Variants in DLG2 observed in about 807,000 individuals in gnomAD.
DLG2 encodes disks large homolog 2.
A neutral mutation model predicts 132.5 loss-of-function variants in DLG2; 45 were observed. The observed-to-expected ratio is 0.34, with a 90% confidence interval of 0.27 to 0.44. DLG2 has a LOEUF of 0.44. DLG2 is among the 20% of genes least tolerant of loss of function. The pLI, the probability that DLG2 is intolerant of heterozygous loss-of-function variation, is 1.00. For missense variants in DLG2, 1,045 were observed against 1,196.9 expected, an observed-to-expected ratio of 0.87 and a Z score of 1.87; for synonymous variants, 424 against 419.6, an observed-to-expected ratio of 1.01 and a Z score of -0.13.
intron 17 of DLG2, among the ~76,000 whole-genome samples, chr11:83,794,351 T>C (rs552130891): frequency 2.0e-5 from 3 of 151,852 alleles, no homozygotes; most frequent in South Asian, 4.2e-4. Context: ...CTTGAACAAA[T>C]AACATTTTCA....
At chr11:84,783,650 G>A (rs901902584) in intron 6 of DLG2, among the ~76,000 whole-genome samples, 2 of 151,998 alleles carry the variant, frequency 1.3e-5, no homozygotes, top group Non-Finnish European at 2.9e-5. Flanking sequence ...TATTTCACTG[G>A]AGCCTCTCAA....
At chr11:84,166,411 G>T (rs551145139) in intron 8 of DLG2, among the ~76,000 whole-genome samples, 2 of 150,336 alleles carry the variant, frequency 1.3e-5, no homozygotes, top group Admixed American at 1.3e-4. Flanking sequence ...CTGAGGCAGG[G>T]GAATGGCCTG....
intron 17 of DLG2, among the ~76,000 whole-genome samples, chr11:83,816,341 A>G (rs897987567): frequency 1.3e-5 from 2 of 152,178 alleles, no homozygotes; most frequent in African/African-American, 2.4e-5. Flanking sequence ...TGGTACAATT[A>G]ATTTTGGAAC....
intron 6 of DLG2, among the ~76,000 whole-genome samples, chr11:84,769,083 C>T (rs1166806942): frequency 1.3e-5 from 2 of 152,084 alleles, no homozygotes; most frequent in African/African-American, 4.8e-5. Flanking sequence ...TATGAAAAAT[C>T]TGAATGTAGT....
intron 3 of DLG2, among the ~76,000 whole-genome samples, chr11:85,325,677 C>A (rs1463128875): frequency 1.4e-5 from 1 of 71,492 alleles, no homozygotes; most frequent in South Asian, 5.3e-4. Context: ...GGGGAAAAAA[C>A]AGAACAGAAA....
chr11:84,811,002 A>C (rs913470092), intron 6 of DLG2, among the ~76,000 whole-genome samples: 2 of 152,182 alleles, frequency 1.3e-5, no homozygotes, highest in African/African-American at 4.8e-5. Context: ...AGTTATCTTC[A>C]TCTTGACTGT....
At chr11:83,595,920 T>C (rs1440944095) in intron 19 of DLG2, among the ~76,000 whole-genome samples, 1 of 152,134 alleles carries the variant, frequency 6.6e-6, no homozygotes, top group East Asian at 1.9e-4. Context: ...AGACAATATA[T>C]CAAAATGTTA....
intron 11 of DLG2, among the ~76,000 whole-genome samples, chr11:84,053,181 G>A (rs959877757): frequency 6.6e-6 from 1 of 152,120 alleles, no homozygotes; most frequent in East Asian, 1.9e-4. Context: ...GCCAGATACA[G>A]CATGTTCTCA....
chr11:85,397,044 C>T (rs890702933), intron 3 of DLG2, among the ~76,000 whole-genome samples: 1 of 152,132 alleles, frequency 6.6e-6, no homozygotes, highest in Non-Finnish European at 1.5e-5. Flanking sequence ...TTGGGTTACC[C>T]ACAAAGGGAA....
chr11:84,453,553 A>G (rs1468234271), intron 7 of DLG2, among the ~76,000 whole-genome samples: 1 of 151,648 alleles, frequency 6.6e-6, no homozygotes, highest in Non-Finnish European at 1.5e-5. Flanking sequence ...TCAGGTTTAT[A>G]TTGTAGATAT....
chr11:85,392,652 G>A (rs1027638907), intron 3 of DLG2, among the ~76,000 whole-genome samples: 23 of 151,936 alleles, frequency 1.5e-4, no homozygotes, highest in Admixed American at 3.3e-4. Flanking sequence ...AATAGAGAAC[G>A]CAGAAATAAA....
intron 6 of DLG2, among the ~76,000 whole-genome samples, chr11:84,576,174 A>G (rs1440921014): frequency 3.9e-5 from 6 of 152,206 alleles, no homozygotes; most frequent in African/African-American, 1.4e-4. Context: ...TCTGCCATAT[A>G]ATACAATTCA....
At chr11:84,213,679 C>T (rs1597560230) in intron 8 of DLG2, among the ~76,000 whole-genome samples, 1 of 151,824 alleles carries the variant, frequency 6.6e-6, no homozygotes, top group African/African-American at 2.4e-5. Context: ...ATTAGACTGG[C>T]GTGGTGGCGG....
At chr11:84,329,679 T>A (rs1175970121) in intron 7 of DLG2, among the ~76,000 whole-genome samples, 1 of 152,216 alleles carries the variant, frequency 6.6e-6, no homozygotes, top group Non-Finnish European at 1.5e-5. Context: ...TGCTCTAGTT[T>A]GAACTCTTCC....
At chr11:84,017,257 A>G (rs1469321602) in intron 11 of DLG2, among the ~76,000 whole-genome samples, 4 of 152,084 alleles carry the variant, frequency 2.6e-5, no homozygotes, top group Non-Finnish European at 5.9e-5. Flanking sequence ...TGAATAATGC[A>G]TTACATAATA....
At chr11:83,975,214 G>T (rs570700724) in intron 12 of DLG2, among the ~76,000 whole-genome samples, 1 of 152,000 alleles carries the variant, frequency 6.6e-6, no homozygotes, top group South Asian at 2.1e-4. Context: ...ATATATGAAA[G>T]AATTTAAAAA....
chr11:83,465,451 C>T (rs1457659696), intron 26 of DLG2, among the ~76,000 whole-genome samples: 2 of 152,108 alleles, frequency 1.3e-5, no homozygotes, highest in East Asian at 3.9e-4. Context: ...CATTATTTTC[C>T]AGTACTCTGT....
chr11:83,633,551 C>T (rs901355224), intron 18 of DLG2, among the ~76,000 whole-genome samples: 2 of 152,092 alleles, frequency 1.3e-5, no homozygotes, highest in Admixed American at 1.3e-4. Context: ...AACACACCAC[C>T]ATCAAATTCC....
chr11:84,834,061 A>G (rs1375912599), intron 6 of DLG2, among the ~76,000 whole-genome samples: 1 of 151,750 alleles, frequency 6.6e-6, no homozygotes, highest in East Asian at 1.9e-4. Context: ...CTCTGGATAG[A>G]AACTGTGTTA....
Sources: allele counts gnomAD v4.1 joint callset (sites outside exome capture counted in the v4.1 genomes callset), GRCh38; gene constraint gnomAD v4.1.1; transcripts MANE v1.5; gene names NCBI Gene and HGNC (gene_info 2026-07-23, HGNC 2026-07-21).